The following WWOX variants were observed in gnomAD, a reference collection of about 807,000 sequenced individuals.
The protein encoded by WWOX is WW domain-containing oxidoreductase.
WWOX carries 69 observed loss-of-function variants against 46.2 expected under a neutral mutation model. The observed-to-expected ratio is 1.49, with a 90% CI of 1.23 to 1.82. The LOEUF is 1.82. Ranked by LOEUF, WWOX falls within the 40% of genes most tolerant of loss-of-function variation. WWOX has a pLI of 0.00. For missense variants in WWOX, 919 were observed against 542.6 expected (o/e 1.69, Z -6.89); for synonymous variants, 359 against 202.6 (o/e 1.77, Z -6.56).
intron 8 of WWOX, among the ~76,000 whole-genome samples, chr16:79,071,323 C>G (rs2048546668): frequency 1.3e-5 from 2 of 152,120 alleles, no homozygotes; most frequent in African/African-American, 4.8e-5. Flanking sequence ...ATACTCTGAG[C>G]TTTTGAAGTT....
chr16:78,482,260 G>T (rs2084512986), intron 8 of WWOX, among the ~76,000 whole-genome samples: 1 of 152,078 alleles, frequency 6.6e-6, no homozygotes, highest in African/African-American at 2.4e-5. Context: ...TTTTGAGACA[G>T]AGTCTTGCTC....
At chr16:78,934,008 A>T (rs762080560) in intron 8 of WWOX, among the ~76,000 whole-genome samples, 35 of 152,092 alleles carry the variant, frequency 2.3e-4, no homozygotes, top group Non-Finnish European at 4.3e-4. Flanking sequence ...CCGAGGCAAC[A>T]CATAGAGACA....
At chr16:78,171,162 CT>C (rs1165568762) in intron 5 of WWOX, among the ~76,000 whole-genome samples, 2 of 152,284 alleles carry the variant, frequency 1.3e-5, no homozygotes, top group African/African-American at 4.8e-5. Context: ...TTCATAGATA[CT>C]GACACCTGTG....
intron 8 of WWOX, among the ~76,000 whole-genome samples, chr16:78,901,836 G>A (rs532113149): frequency 6.6e-6 from 1 of 152,318 alleles, no homozygotes; most frequent in East Asian, 1.9e-4. Context: ...GTCTGTCGCT[G>A]CCCAGGATAG....
chr16:78,401,174 T>C (rs1026981688), intron 6 of WWOX, among the ~76,000 whole-genome samples: 2 of 152,226 alleles, frequency 1.3e-5, no homozygotes, highest in African/African-American at 4.8e-5. Context: ...ATGTTAAATA[T>C]GTGTGTGCAG....
chr16:78,811,806 G>C (rs2051197316), intron 8 of WWOX, among the ~76,000 whole-genome samples: 1 of 152,178 alleles, frequency 6.6e-6, no homozygotes, highest in South Asian at 2.1e-4. Context: ...TTTGACATAT[G>C]AATGAGGGGT....
At chr16:78,336,335 A>G (rs1187313267) in intron 5 of WWOX, among the ~76,000 whole-genome samples, 1 of 149,236 alleles carries the variant, frequency 6.7e-6, no homozygotes, top group African/African-American at 2.5e-5. Flanking sequence ...AACACCAAAA[A>G]AAAAAAAAAA....
At chr16:78,442,730 A>C (rs533967834) in intron 8 of WWOX, among the ~76,000 whole-genome samples, 1 of 152,102 alleles carries the variant, frequency 6.6e-6, no homozygotes, top group African/African-American at 2.4e-5. Flanking sequence ...CTGAAATCCC[A>C]GCACTTTGGG....
intron 8 of WWOX, among the ~76,000 whole-genome samples, chr16:78,597,866 A>G (rs1348390081): frequency 6.6e-6 from 1 of 150,566 alleles, no homozygotes; most frequent in African/African-American, 2.4e-5. Flanking sequence ...AGTTGTGTTT[A>G]TTCCCCTCGT....
intron 8 of WWOX, among the ~76,000 whole-genome samples, chr16:78,733,648 G>A (rs1170065754): frequency 1.3e-5 from 2 of 151,624 alleles, no homozygotes; most frequent in African/African-American, 4.8e-5. Flanking sequence ...CCAGCTACTC[G>A]GTAGCCTGAG....
At chr16:78,664,182 A>C (rs2047278945) in intron 8 of WWOX, among the ~76,000 whole-genome samples, 3 of 152,204 alleles carry the variant, frequency 2.0e-5, no homozygotes, top group Admixed American at 2.0e-4. Flanking sequence ...TAATGGAGAT[A>C]GAGAAAACAG....
At chr16:78,481,886 A>C (rs1044035844) in intron 8 of WWOX, among the ~76,000 whole-genome samples, 3 of 152,158 alleles carry the variant, frequency 2.0e-5, no homozygotes, top group Non-Finnish European at 4.4e-5. Context: ...TTTAAAATAA[A>C]ATAAATAACT....
At position 78,910,816 on chromosome 16, in the gene WWOX, C is replaced by T. The variant is rs145066948; in HGVS notation, c.1057-300792C>T. Reference sequence around the variant, plus strand: ...TCCCCATGATTCAGTTACCTCTCACCGGGTCCCTCCCATGACGTGGGAATT... The same window carrying T: ...TCCCCATGATTCAGTTACCTCTCACTGGGTCCCTCCCATGACGTGGGAATT... On this transcript the variant is annotated intron_variant, in intron 8 of 8. Transcript: ENST00000566780. Among the ~76,000 whole-genome samples, 99 of 151,912 alleles carry T rather than the reference C, an allele frequency of 6.5e-4. No homozygotes were observed. In the East Asian group the frequency reaches 0.012, roughly 18 times the overall value.
intron 5 of WWOX, among the ~76,000 whole-genome samples, chr16:78,248,269 T>C (rs1473874472): frequency 2.0e-5 from 3 of 152,088 alleles, no homozygotes; most frequent in Non-Finnish European, 4.4e-5. Context: ...TCTCACATGG[T>C]GCAAACAGGA....
At chr16:79,034,828 CT>C (rs1339950292) in intron 8 of WWOX, among the ~76,000 whole-genome samples, 1 of 152,114 alleles carries the variant, frequency 6.6e-6, no homozygotes, top group Non-Finnish European at 1.5e-5. Flanking sequence ...ACCTTCCAGT[CT>C]CCCGAGTAGT....
chr16:79,020,892 AT>A (rs995870660), intron 8 of WWOX, among the ~76,000 whole-genome samples: 5 of 151,800 alleles, frequency 3.3e-5, no homozygotes, highest in East Asian at 1.9e-4. Context: ...CTGTTTATAG[AT>A]TTTTTTTTAA....
intron 8 of WWOX, among the ~76,000 whole-genome samples, chr16:79,080,256 A>G (rs372149296): frequency 6.6e-6 from 1 of 152,198 alleles, no homozygotes; most frequent in Non-Finnish European, 1.5e-5. Context: ...ACAGAAACCC[A>G]CACAGGAGTC....
chr16:78,383,962 A>C (rs974324226), intron 5 of WWOX, among the ~76,000 whole-genome samples: 2 of 152,142 alleles, frequency 1.3e-5, no homozygotes, highest in South Asian at 4.2e-4. Flanking sequence ...TCTGTGCTTT[A>C]TTTTGAAGGG....
At chr16:78,463,177 ACAGG>A (rs988777605) in intron 8 of WWOX, among the ~76,000 whole-genome samples, 2 of 152,236 alleles carry the variant, frequency 1.3e-5, no homozygotes, top group African/African-American at 4.8e-5. Context: ...AAGAAAATAA[ACAGG>A]CAGCACTGAG....
Sources: allele counts gnomAD v4.1 joint callset (sites outside exome capture counted in the v4.1 genomes callset), GRCh38; gene constraint gnomAD v4.1.1; transcripts MANE v1.5; gene names NCBI Gene and HGNC (gene_info 2026-07-23, HGNC 2026-07-21).